The following ZDHHC5 variants were observed in gnomAD, a reference collection of about 807,000 sequenced individuals.
ZDHHC5 encodes palmitoyltransferase ZDHHC5.
ZDHHC5 carries 22 observed loss-of-function variants against 70.0 expected under a neutral mutation model. The observed-to-expected ratio is 0.31, with a 90% CI of 0.22 to 0.45. ZDHHC5 has a LOEUF of 0.45. Among genes scored for constraint, ZDHHC5 ranks in the 20% least tolerant of loss-of-function variants. The pLI is 1.00. For missense variants in ZDHHC5, 746 were observed against 926.9 expected (o/e 0.80, Z 2.53); for synonymous variants, 313 against 347.8 (o/e 0.90, Z 1.11).
chr11:57,674,277 G>A (rs1473064855), intron 2 of ZDHHC5, among the ~76,000 whole-genome samples: 1 of 151,162 alleles, frequency 6.6e-6, no homozygotes, highest in East Asian at 1.9e-4. Context: ...ACTTGTTATT[G>A]GAAGAGACTG....
chr11:57,687,756 G>GTTGT (rs1946225311), intron 3 of ZDHHC5, among the ~76,000 whole-genome samples: 1 of 75,274 alleles, frequency 1.3e-5, no homozygotes, highest in African/African-American at 5.2e-5. Flanking sequence ...TTTTGGGAAA[G>GTTGT]TTTTTTTTTT....
At chr11:57,676,740 C>T (rs1000311952) in intron 2 of ZDHHC5, among the ~76,000 whole-genome samples, 3 of 151,736 alleles carry the variant, frequency 2.0e-5, no homozygotes, top group Non-Finnish European at 4.4e-5. Flanking sequence ...GCCTCTTTAC[C>T]GTGTAGGATC....
rs115129374 is a variant in ZDHHC5, at chr11:57,675,426, T to C, written c.104+2232T>C. 6.6e-3 allele frequency among the ~76,000 whole-genome samples: 1,013 copies of C among 152,356 alleles called. 6 individuals carry two copies. The highest frequency in any genetic ancestry group is 0.023 in the African/African-American group (958 of 41,592). ...CATTTTCTCAACTGATAGTTGAAGC[T>C]GTTTAACCTACTTTCTCATTCCCTG... On this transcript the variant is annotated intron_variant, in intron 2 of 11. Coordinates refer to ENST00000287169, the MANE Select transcript of ZDHHC5 (RefSeq NM_015457.3).
chr11:57,676,891 A>G (rs1292410440), intron 2 of ZDHHC5, among the ~76,000 whole-genome samples: 2 of 149,540 alleles, frequency 1.3e-5, no homozygotes, highest in African/African-American at 5.0e-5. Flanking sequence ...GGGCAGGATA[A>G]GATCTCTGCT....
At chr11:57,670,727 G>A (rs1027483151) in intron 1 of ZDHHC5, among the ~76,000 whole-genome samples, 16 of 151,884 alleles carry the variant, frequency 1.1e-4, no homozygotes, top group Non-Finnish European at 2.2e-4. Flanking sequence ...GAAATGAATC[G>A]TAAGGGAAGG....
At chr11:57,669,474 G>A (rs988803609) in intron 1 of ZDHHC5, among the ~76,000 whole-genome samples, 2 of 151,846 alleles carry the variant, frequency 1.3e-5, no homozygotes, top group Non-Finnish European at 2.9e-5. Context: ...TCTCATTTTT[G>A]AGACGGAGTC....
At chr11:57,681,856 A>G (rs991228350) in intron 2 of ZDHHC5, among the ~76,000 whole-genome samples, 1 of 152,212 alleles carries the variant, frequency 6.6e-6, no homozygotes, top group Non-Finnish European at 1.5e-5. Flanking sequence ...GAATTTCCCA[A>G]CCTTAAGAAC....
intron 2 of ZDHHC5, 147 bp downstream of exon 2, chr11:57,673,341 A>G: frequency 2.9e-6 from 2 of 686,014 alleles, no homozygotes; most frequent in Non-Finnish European, 4.9e-6. Context: ...AGAGACATGT[A>G]AGAAAAATGA....
Position 57,696,801 on chromosome 11 carries a change from C to G in ZDHHC5, c.1050C>G (p.Thr350=). ...CCAAGGACAGCCCCCCGACACCTAC[C>G]ATGTACAAGTATCGGCCGGGTTACA... ...LLAKDSPPTP[T]MYKYRPGYSS... is the part of the protein sequence containing the mutation. The change falls in exon 10 of 12, where the codon ACC becomes ACG. Residue 350 remains threonine, a synonymous_variant. Transcript: ENST00000287169. The G allele has an allele frequency of 6.2e-7, 1 of 1,614,114 alleles. No homozygotes were observed. Among genetic ancestry groups the G allele is most frequent in the South Asian group, 1.1e-5 (1 of 91,084 alleles).
intron 10 of ZDHHC5, among the ~76,000 whole-genome samples, chr11:57,698,032 A>G (rs1047060097): frequency 2.0e-5 from 3 of 150,102 alleles, no homozygotes; most frequent in Non-Finnish European, 3.0e-5. Flanking sequence ...CTACTCGGGA[A>G]GCTGAGGCAG....
intron 3 of ZDHHC5, among the ~76,000 whole-genome samples, chr11:57,682,916 TG>T (rs1946166473): frequency 6.6e-6 from 1 of 152,226 alleles, no homozygotes; most frequent in Non-Finnish European, 1.5e-5. Flanking sequence ...TATGACAGTG[TG>T]ATGCAGACTA....
chr11:57,668,329 A>G, intron 1 of ZDHHC5, 142 bp downstream of exon 1: 1 of 207,124 alleles, frequency 4.8e-6, no homozygotes, highest in Non-Finnish European at 9.6e-6. Flanking sequence ...GGGTCTTCCA[A>G]CCGCGGCGGG....
intron 1 of ZDHHC5, among the ~76,000 whole-genome samples, chr11:57,669,749 G>A (rs550513972): frequency 2.0e-5 from 3 of 152,308 alleles, no homozygotes; most frequent in South Asian, 2.1e-4. Context: ...GTGAGCCCCC[G>A]TGCCCAGCTG....
At chr11:57,693,671 A>T in intron 7 of ZDHHC5, 112 bp from the exon 8 acceptor site, 2 of 1,416,870 alleles carry the variant, frequency 1.4e-6, no homozygotes, top group Non-Finnish European at 1.8e-6. Flanking sequence ...AACTGCAATT[A>T]CTTTTTTACC....
chr11:57,682,672 T>A (rs1167693174), intron 3 of ZDHHC5, 129 bp downstream of exon 3: 2 of 1,195,438 alleles, frequency 1.7e-6, no homozygotes, highest in Admixed American at 3.3e-5. Context: ...GATTTGGGCA[T>A]ACGCAGTTGA....
intron 8 of ZDHHC5, among the ~76,000 whole-genome samples, chr11:57,694,527 A>C (rs1269235427): frequency 6.6e-6 from 1 of 151,924 alleles, no homozygotes; most frequent in Admixed American, 6.6e-5. Flanking sequence ...ACGCCTGGCT[A>C]ATTTTTTTAT....
intron 3 of ZDHHC5, among the ~76,000 whole-genome samples, chr11:57,683,117 A>G (rs1203456863): frequency 2.6e-5 from 4 of 152,234 alleles, no homozygotes; most frequent in African/African-American, 7.2e-5. Flanking sequence ...GCTTGTAGCC[A>G]TGAAATGGCA....
intron 1 of ZDHHC5, chr11:57,668,438 G>A (rs1945953466): frequency 6.5e-6 from 1 of 153,564 alleles, no homozygotes; most frequent in Non-Finnish European, 1.4e-5. Flanking sequence ...TCGAGACCGC[G>A]GTCCCCGGTG....
chr11:57,697,598 G>A (rs2135405068), intron 10 of ZDHHC5, among the ~76,000 whole-genome samples: 1 of 147,432 alleles, frequency 6.8e-6, no homozygotes, highest in East Asian at 2.0e-4. Context: ...AGTCGAGATT[G>A]CGCCACTGCA....
Sources: allele counts gnomAD v4.1 joint callset (sites outside exome capture counted in the v4.1 genomes callset), GRCh38; gene constraint gnomAD v4.1.1; transcripts MANE v1.5; gene names NCBI Gene and HGNC (gene_info 2026-07-23, HGNC 2026-07-21).